Variants in ATP11C observed in about 807,000 individuals in gnomAD.
ATP11C encodes the protein phospholipid-transporting ATPase IG.
A neutral mutation model predicts 97.4 loss-of-function variants in ATP11C; 36 were observed. That is an observed-to-expected ratio of 0.37 (90% CI 0.28 to 0.49). The LOEUF is 0.49. ATP11C is among the 20% of genes least tolerant of loss of function. ATP11C has a pLI of 0.98. For synonymous variants in ATP11C, 275 were observed against 290.9 expected (o/e 0.95, Z 0.56); for missense variants, 730 against 824.6 (o/e 0.89, Z 1.40).
intron 1 of ATP11C, among the ~76,000 whole-genome samples, chrX:139,855,861 C>T (rs7061953): frequency 1.8e-5 from 2 of 111,664 alleles, no homozygotes; most frequent in African/African-American, 6.5e-5. Context: ...CCAGTGTCAA[C>T]CAGGAGGCTT....
At chrX:139,755,796 C>T (rs1028606793) in intron 23 of ATP11C, among the ~76,000 whole-genome samples, 1 of 111,744 alleles carries the variant, frequency 8.9e-6, no homozygotes, top group Non-Finnish European at 1.9e-5. Flanking sequence ...AAACTGGACC[C>T]GTTTCTTATG....
chrX:139,806,043 T>C (rs2147803234), intron 5 of ATP11C, among the ~76,000 whole-genome samples: 1 of 111,941 alleles, frequency 8.9e-6, no homozygotes, highest in South Asian at 3.7e-4. Flanking sequence ...AGATACCCAT[T>C]AGAGGTCGGA....
intron 16 of ATP11C, among the ~76,000 whole-genome samples, chrX:139,784,573 G>A (rs1461288143): frequency 9.0e-6 from 1 of 111,326 alleles, no homozygotes; most frequent in Non-Finnish European, 1.9e-5. Flanking sequence ...AGGATTGCTC[G>A]CCCATGGGTC....
intron 1 of ATP11C, among the ~76,000 whole-genome samples, chrX:139,910,485 A>G (rs1178261718): frequency 9.1e-6 from 1 of 109,856 alleles, no homozygotes; most frequent in Non-Finnish European, 1.9e-5. Flanking sequence ...AGGTGCCTAC[A>G]ATCCCAGCTA....
intron 1 of ATP11C, among the ~76,000 whole-genome samples, chrX:139,850,266 C>T (rs1239778188): frequency 9.0e-6 from 1 of 110,904 alleles, no homozygotes; most frequent in Non-Finnish European, 1.9e-5. Flanking sequence ...GAAGAAGAGA[C>T]GTGCTATGGG....
At chrX:139,832,759 T>C (rs774874969) in intron 1 of ATP11C, among the ~76,000 whole-genome samples, 2 of 112,328 alleles carry the variant, frequency 1.8e-5, no homozygotes, top group Non-Finnish European at 1.9e-5. Flanking sequence ...CAAAAATATA[T>C]GCAACAAAGG....
intron 26 of ATP11C, among the ~76,000 whole-genome samples, 174 bp downstream of exon 26, chrX:139,743,385 A>C (rs2081613323): frequency 9.0e-6 from 1 of 111,274 alleles, no homozygotes; most frequent in Admixed American, 9.6e-5. Flanking sequence ...AAAAAATAGT[A>C]TACAAATACC....
chrX:139,771,186 AGAGT>A (rs767233578), intron 19 of ATP11C, among the ~76,000 whole-genome samples: 5 of 111,418 alleles, frequency 4.5e-5, no homozygotes, highest in South Asian at 3.8e-4. Context: ...TGTTCTCGTG[AGAGT>A]GAGTAAGTCT....
At chrX:139,754,143 T>C (rs991929772) in intron 23 of ATP11C, among the ~76,000 whole-genome samples, 2 of 111,426 alleles carry the variant, frequency 1.8e-5, no homozygotes, top group African/African-American at 3.3e-5. Flanking sequence ...ACAAAGCAGA[T>C]GATACTACAG....
chrX:139,740,184 G>A (rs2081526893), intron 27 of ATP11C, among the ~76,000 whole-genome samples: 1 of 111,173 alleles, frequency 9.0e-6, no homozygotes, highest in African/African-American at 3.3e-5. Flanking sequence ...CTCTGCTGCT[G>A]GCATCCTTGT....
intron 1 of ATP11C, among the ~76,000 whole-genome samples, chrX:139,868,017 T>C (rs1335422101): frequency 2.7e-5 from 3 of 111,588 alleles, no homozygotes; most frequent in African/African-American, 9.8e-5. Flanking sequence ...GGGGACATTA[T>C]CACCTAGAAA....
intron 12 of ATP11C, among the ~76,000 whole-genome samples, chrX:139,791,185 A>C (rs1052934749): frequency 9.0e-6 from 1 of 110,566 alleles, no homozygotes; most frequent in Non-Finnish European, 1.9e-5. Context: ...TAAGCCAGCC[A>C]AGTTTGAACT....
chrX:139,837,328 A>T (rs898510447), intron 1 of ATP11C, among the ~76,000 whole-genome samples: 3 of 112,065 alleles, frequency 2.7e-5, no homozygotes, highest in Non-Finnish European at 5.6e-5. Context: ...TTAAACAGAA[A>T]ATAATACTTT....
Position 139,762,062 on chromosome X carries a change from A to G in ATP11C, c.2539T>C (p.Tyr847His). ...EGRQAARNSD[Y>H]SVPKFKHLKK... ...AAGTGTTTAAACTTTGGAACAGAAT[A>G]ATCGCTATTCCTAGCTGCTTGGCGA... Residue 847 changes from tyrosine to histidine, a missense_variant, in exon 22 of 30, where the codon TAT becomes CAT. Transcript: ENST00000682941. 5 of 1,208,566 alleles carry G rather than the reference A, an allele frequency of 4.1e-6. No individual in the cohort carries two copies. The highest frequency in any genetic ancestry group is 5.6e-6 in the Non-Finnish European group (5 of 893,015).
intron 1 of ATP11C, among the ~76,000 whole-genome samples, chrX:139,922,080 C>T (rs1468838680): frequency 1.9e-5 from 2 of 105,687 alleles, no homozygotes; most frequent in Non-Finnish European, 3.9e-5. Context: ...TGGCACACGC[C>T]TGTAGTCTCA....
At chrX:139,835,757 G>T (rs1359871672) in intron 1 of ATP11C, among the ~76,000 whole-genome samples, 1 of 106,633 alleles carries the variant, frequency 9.4e-6, no homozygotes, top group Non-Finnish European at 1.9e-5. Flanking sequence ...GGCCGAGTGT[G>T]GTGGCTCACA....
chrX:139,810,246 C>T (rs372119312), intron 5 of ATP11C, among the ~76,000 whole-genome samples: 4 of 110,661 alleles, frequency 3.6e-5, no homozygotes, highest in South Asian at 7.7e-4. Flanking sequence ...GGATCACCTG[C>T]GGAGTTCGAC....
rs201273611 is a variant in ATP11C, at chrX:139,819,413, A to T, written c.162T>A (p.Asn54Lys). Residue 54 changes from asparagine to lysine, a missense_variant, in exon 3 of 30, where the codon AAT becomes AAA. Physicochemically the swap from Asn to Lys is moderately conservative, Grantham distance 94. Coordinates refer to ENST00000682941, the MANE Select transcript of ATP11C (RefSeq NM_001353812.2). ...RIVSSKYTLW[N>K]FLPKNLFEQF... The stretch of plus-strand genomic sequence containing the variant: ...GTTCAAACAGATTCTTTGGGAGAAA[A>T]TTCCAAAGTGTATACTGTAAGGGAG... 1.8e-6 allele frequency: 2 copies of T among 1,111,267 alleles called. No homozygotes were observed. The highest frequency in any genetic ancestry group is 2.4e-6 in the Non-Finnish European group (2 of 827,144). The allele number at this position is 1,111,267 out of a possible 1,213,427, so 91.6% of individuals were successfully genotyped here.
chrX:139,901,879 A>G (rs2084905462), intron 1 of ATP11C, among the ~76,000 whole-genome samples: 1 of 111,475 alleles, frequency 9.0e-6, no homozygotes, highest in Non-Finnish European at 1.9e-5. Context: ...CTCACACCTC[A>G]ACATGAATGG....
Sources: gnomAD v4.1 joint callset for allele counts (sites outside exome capture counted in the v4.1 genomes callset) on GRCh38, gnomAD v4.1.1 for gene constraint, MANE v1.5 for transcripts, NCBI Gene and HGNC (gene_info 2026-07-23, HGNC 2026-07-21) for gene names.